Variants in ANK2 observed in about 807,000 individuals in gnomAD.
ANK2 encodes the protein ankyrin 2.
In ANK2, 83 loss-of-function variants were observed where a neutral mutation model predicts 360.5. The observed-to-expected ratio is 0.23, with a 90% CI of 0.19 to 0.28. ANK2 has a LOEUF of 0.28. ANK2 is among the 10% of genes least tolerant of loss of function. The pLI is 1.00. For missense variants in ANK2, 4,201 were observed against 4,795.7 expected, an observed-to-expected ratio of 0.88 and a Z score of 3.66; for synonymous variants, 1,740 against 1,759.5, an observed-to-expected ratio of 0.99 and a Z score of 0.28.
At chr4:113,058,816 T>C (rs1194241942) in intron 1 of ANK2, among the ~76,000 whole-genome samples, 6 of 152,216 alleles carry the variant, frequency 3.9e-5, no homozygotes, top group Admixed American at 3.9e-4. Flanking sequence ...GCTAGAGATA[T>C]TCATACTGCT....
chr4:112,810,145 ATATATATATATATATTTTTTTTTT>A, the ANK2 span, among the ~76,000 whole-genome samples: 5 of 56,734 alleles, frequency 8.8e-5, no homozygotes, highest in African/African-American at 3.0e-4. Context: ...ATATATATAT[ATATATATATATATATTTTTTTTTT>A]TTTTTTTTTT....
At chr4:113,025,234 G>GT (rs1178799743) in intron 2 of ANK2, among the ~76,000 whole-genome samples, 4 of 152,074 alleles carry the variant, frequency 2.6e-5, no homozygotes, top group African/African-American at 9.7e-5. Context: ...CTGCTCTTTT[G>GT]TTTTTAACAA....
intron 28 of ANK2, among the ~76,000 whole-genome samples, chr4:113,332,511 G>T (rs1292266634): frequency 2.6e-5 from 4 of 152,218 alleles, no homozygotes; most frequent in Non-Finnish European, 5.9e-5. Flanking sequence ...CTGCTGAGGG[G>T]CTCAATTAGG....
At chr4:113,072,520 A>G (rs1410915939) in intron 1 of ANK2, among the ~76,000 whole-genome samples, 2 of 152,228 alleles carry the variant, frequency 1.3e-5, no homozygotes, top group Non-Finnish European at 2.9e-5. Flanking sequence ...TAAAGTGAGC[A>G]TGAGATATTC....
chr4:112,730,846 TAA>T, the ANK2 span, among the ~76,000 whole-genome samples: 5 of 134,994 alleles, frequency 3.7e-5, no homozygotes, highest in African/African-American at 5.5e-5. Flanking sequence ...ACACTGTCTC[TAA>T]AAAAAAAAAA....
chr4:112,844,421 G>A (rs1033690161), intron 1 of ANK2, among the ~76,000 whole-genome samples: 2 of 152,126 alleles, frequency 1.3e-5, no homozygotes, highest in South Asian at 4.2e-4. Context: ...GCTCTTGAAG[G>A]CAAGGGCCAT....
chr4:113,081,562 C>T (rs2082406575), intron 1 of ANK2, among the ~76,000 whole-genome samples: 1 of 151,902 alleles, frequency 6.6e-6, no homozygotes, highest in African/African-American at 2.4e-5. Context: ...ATTATCATTC[C>T]AGTTCCTGGG....
chr4:113,315,689 G>C (rs946016833), intron 24 of ANK2, among the ~76,000 whole-genome samples: 1 of 152,080 alleles, frequency 6.6e-6, no homozygotes, highest in Non-Finnish European at 1.5e-5. Context: ...ACGAGGTCAG[G>C]AGATCGAGAC....
At chr4:112,967,555 AG>A (rs1329295008) in intron 2 of ANK2, among the ~76,000 whole-genome samples, 12 of 152,206 alleles carry the variant, frequency 7.9e-5, no homozygotes, top group African/African-American at 2.9e-4. Context: ...ATCTGTGAAA[AG>A]GGTTACTGAA....
chr4:113,250,381 C>T (rs1474735315), intron 10 of ANK2, among the ~76,000 whole-genome samples: 1 of 152,064 alleles, frequency 6.6e-6, no homozygotes, highest in Admixed American at 6.6e-5. Context: ...TGCAATAGGC[C>T]ACCTACAAAG....
At position 113,281,125 on chromosome 4, in the gene ANK2, T is replaced by C. The variant is rs2062153701; in HGVS notation, c.1882-1550T>C. 2.0e-5 allele frequency among the ~76,000 whole-genome samples: 3 copies of C among 152,184 alleles called. No homozygotes were observed. In the South Asian group the frequency reaches 6.2e-4, roughly 32 times the overall value. ...GGAGAAATGGGGACAGAGTAGATAATGTAGGGTTGTGTGAGGATCAAGATT... is the reference window on the plus strand; with the variant it reads ...GGAGAAATGGGGACAGAGTAGATAACGTAGGGTTGTGTGAGGATCAAGATT... On this transcript the variant is annotated intron_variant, in intron 17 of 45. Transcript: ENST00000357077.
upstream of ANK2, chr4:113,049,637 C>A: frequency 1.7e-5 from 26 of 1,489,520 alleles, no homozygotes; most frequent in East Asian, 2.7e-5. Context: ...TCCTCCTCCT[C>A]CTGCTTTCCT....
chr4:112,989,022 A>G (rs975463254), intron 2 of ANK2, among the ~76,000 whole-genome samples: 4 of 152,004 alleles, frequency 2.6e-5, no homozygotes, highest in African/African-American at 7.2e-5. Flanking sequence ...TTGTGTAGAT[A>G]TATCTCTAAG....
In ANK2 at chr4:113,264,264, A is replaced by G. The variant is rs187075662; in HGVS notation, c.1387-633A>G. ...GAAATTTTGAATCTTGAAATGATTT[A>G]TTTATGGTATAAGTGGTATTAATTT... On this transcript the variant is annotated intron_variant, in intron 13 of 45. Transcript: ENST00000357077. Among the ~76,000 whole-genome samples the G allele has an allele frequency of 7.2e-5, 11 of 152,342 alleles. No individual in the cohort carries two copies. In the East Asian group the frequency reaches 2.1e-3, roughly 29 times the overall value.
intron 4 of ANK2, among the ~76,000 whole-genome samples, chr4:113,230,429 C>T (rs982460038): frequency 5.3e-5 from 8 of 151,844 alleles, no homozygotes; most frequent in Non-Finnish European, 1.0e-4. Flanking sequence ...GCAGGAGGAT[C>T]GCTTGAACCT....
At chr4:113,084,147 C>G (rs1280872599) in intron 1 of ANK2, among the ~76,000 whole-genome samples, 1 of 152,182 alleles carries the variant, frequency 6.6e-6, no homozygotes, top group Non-Finnish European at 1.5e-5. Context: ...TGAGAATGTG[C>G]AGGATGGTGC....
rs201966460 is a variant in ANK2 at position 113,373,409 on chromosome 4, T to G, written c.11819T>G (p.Ile3940Arg). 33 of 1,614,160 alleles carry G rather than the reference T, an allele frequency of 2.0e-5. No individual in the cohort carries two copies. The East Asian group carries it at 7.1e-4, about 35-fold the overall frequency. ...GAAGGGGATGGCTATTCCAAAGTTA[T>G]AAAGCGTGTTGTATTGAAGAGTGAC... is the stretch of plus-strand genomic sequence containing the variant. The part of the protein sequence containing the change: ...IEEGDGYSKV[I>R]KRVVLKSDTE... Residue 3940 changes from isoleucine to arginine, a missense_variant, in exon 45 of 46, where the codon ATA becomes AGA. By Grantham distance (97) the Ile-to-Arg change is moderately conservative. Transcript: ENST00000357077.
At chr4:112,939,739 C>T (rs1581552128) in intron 2 of ANK2, among the ~76,000 whole-genome samples, 2 of 152,260 alleles carry the variant, frequency 1.3e-5, no homozygotes, top group South Asian at 2.1e-4. Flanking sequence ...CTTCCAGCTA[C>T]CCAATGCCCT....
intron 1 of ANK2, among the ~76,000 whole-genome samples, chr4:113,164,760 A>G (rs539662371): frequency 6.6e-6 from 1 of 152,362 alleles, no homozygotes; most frequent in South Asian, 2.1e-4. Context: ...GAAGGAGGCT[A>G]AGACCTAATT....
Sources: gnomAD v4.1 joint callset for allele counts (sites outside exome capture counted in the v4.1 genomes callset) on GRCh38, gnomAD v4.1.1 for gene constraint, MANE v1.5 for transcripts, NCBI Gene and HGNC (gene_info 2026-07-23, HGNC 2026-07-21) for gene names.